LONP2: variants seen among roughly 807,000 people sequenced by gnomAD.
LONP2 encodes lon peptidase 2, peroxisomal.
LONP2 carries 60 observed loss-of-function variants against 85.6 expected under a neutral mutation model. The observed-to-expected ratio is 0.70, with a 90% CI of 0.57 to 0.87. LONP2 has a LOEUF of 0.87. LONP2 is among the 40% of genes least tolerant of loss of function. The pLI is 0.00. For synonymous variants in LONP2, 395 were observed against 389.7 expected (o/e 1.01, Z -0.16); for missense variants, 860 against 1,063.5 (o/e 0.81, Z 2.66).
chr16:48,261,812 T>C (rs1971885537), intron 5 of LONP2, among the ~76,000 whole-genome samples: 1 of 152,098 alleles, frequency 6.6e-6, no homozygotes, highest in African/African-American at 2.4e-5. Flanking sequence ...AGCATCATAT[T>C]CTTCACATGT....
intron 1 of LONP2, among the ~76,000 whole-genome samples, chr16:48,249,426 T>C (rs1482210275): frequency 6.6e-6 from 1 of 152,158 alleles, no homozygotes; most frequent in Non-Finnish European, 1.5e-5. Flanking sequence ...AAGGAAAATA[T>C]TAGTTGAGTA....
At chr16:48,335,363 T>C (rs562108045) in intron 12 of LONP2, among the ~76,000 whole-genome samples, 4 of 152,260 alleles carry the variant, frequency 2.6e-5, no homozygotes, top group South Asian at 4.1e-4. Context: ...CACATGCAGG[T>C]CTAGCCCTAT....
At chr16:48,259,589 G>A (rs1971834067) in intron 4 of LONP2, among the ~76,000 whole-genome samples, 1 of 152,216 alleles carries the variant, frequency 6.6e-6, no homozygotes, top group Non-Finnish European at 1.5e-5. Context: ...GCAATTTGAC[G>A]TTCATCAGCG....
At chr16:48,351,448 C>A in intron 14 of LONP2, 133 bp from the exon 15 acceptor site, 1 of 692,172 alleles carries the variant, frequency 1.4e-6, no homozygotes, top group Non-Finnish European at 2.4e-6. Context: ...CTAGCTCATG[C>A]TATAACAAAA....
At chr16:48,271,378 T>C (rs1972102304) in intron 7 of LONP2, among the ~76,000 whole-genome samples, 1 of 152,200 alleles carries the variant, frequency 6.6e-6, no homozygotes, top group African/African-American at 2.4e-5. Context: ...ACCTATAGTG[T>C]ATGTGTTAAA....
intron 8 of LONP2, among the ~76,000 whole-genome samples, chr16:48,285,879 A>G (rs912713796): frequency 2.0e-5 from 3 of 152,128 alleles, no homozygotes; most frequent in African/African-American, 7.2e-5. Flanking sequence ...TTGTGCAGCC[A>G]ATCTCCAGAA....
chr16:48,345,501 C>T (rs974232543), intron 12 of LONP2: 1 of 152,130 alleles, frequency 6.6e-6, no homozygotes, highest in Non-Finnish European at 1.5e-5. Context: ...TTAGAAAAAA[C>T]AAACCTTGTA....
chr16:48,308,936 C>T (rs1033999190), intron 11 of LONP2, among the ~76,000 whole-genome samples: 1 of 152,068 alleles, frequency 6.6e-6, no homozygotes, highest in Middle Eastern at 3.2e-3. Flanking sequence ...ACAAGGAACT[C>T]AAGCAACTCA....
At chr16:48,334,129 C>G in intron 11 of LONP2, 87 bp from the exon 12 acceptor site, 1 of 1,276,386 alleles carries the variant, frequency 7.8e-7, no homozygotes. Flanking sequence ...TTGAGGTCCA[C>G]TGGGCTTTTG....
intron 8 of LONP2, among the ~76,000 whole-genome samples, chr16:48,293,178 C>T (rs957036612): frequency 6.6e-6 from 1 of 152,116 alleles, no homozygotes; most frequent in African/African-American, 2.4e-5. Context: ...CCTGTAATCC[C>T]AGCACTTTGG....
At position 48,303,200 on chromosome 16, in the gene LONP2, C is replaced by A; in HGVS notation, c.1690C>A (p.Leu564Met). Residue 564 changes from leucine to methionine, a missense_variant, in exon 11 of 15, where the codon CTG becomes ATG. Physicochemically the swap from Leu to Met is conservative, Grantham distance 15. Transcript: ENST00000285737. The part of the protein sequence containing the change: ...RYTREAGVRS[L>M]DRKLGAICRA... ...TACCAGAGAGGCAGGGGTTCGTTCTCTGGATAGAAAACTTGGGGCCATTTG... is the reference window on the plus strand; with the variant it reads ...TACCAGAGAGGCAGGGGTTCGTTCTATGGATAGAAAACTTGGGGCCATTTG... The A allele has an allele frequency of 6.2e-7, 1 of 1,614,056 alleles. No homozygotes were observed. The highest frequency in any genetic ancestry group is 8.5e-7 in the Non-Finnish European group (1 of 1,180,004).
intron 14 of LONP2, among the ~76,000 whole-genome samples, chr16:48,349,311 C>G (rs1319355275): frequency 6.6e-6 from 1 of 151,936 alleles, no homozygotes; most frequent in Non-Finnish European, 1.5e-5. Flanking sequence ...GGCTCTCTTA[C>G]CCAGGTTGGA....
At chr16:48,338,588 T>G (rs977387830) in intron 12 of LONP2, among the ~76,000 whole-genome samples, 4 of 152,112 alleles carry the variant, frequency 2.6e-5, no homozygotes, top group Non-Finnish European at 4.4e-5. Context: ...CAAAGAAAAC[T>G]GAGAGCTCTT....
chr16:48,251,117 A>G (rs1190883640), intron 1 of LONP2, among the ~76,000 whole-genome samples: 4 of 152,220 alleles, frequency 2.6e-5, no homozygotes, highest in African/African-American at 9.6e-5. Flanking sequence ...TTCACTGTGT[A>G]TAGAAGTAAG....
At chr16:48,331,807 A>G (rs1208281511) in intron 11 of LONP2, among the ~76,000 whole-genome samples, 2 of 152,038 alleles carry the variant, frequency 1.3e-5, no homozygotes, top group Non-Finnish European at 2.9e-5. Context: ...CTCGTGATCC[A>G]CGCGCCTCGG....
intron 2 of LONP2, among the ~76,000 whole-genome samples, chr16:48,253,624 TC>T (rs2150963695): frequency 6.6e-6 from 1 of 152,348 alleles, no homozygotes; most frequent in East Asian, 1.9e-4. Context: ...AATTTCTTTT[TC>T]TTTTCAGCAG....
chr16:48,303,937 G>C (rs1972860547), intron 11 of LONP2, among the ~76,000 whole-genome samples: 1 of 152,210 alleles, frequency 6.6e-6, no homozygotes, highest in Non-Finnish European at 1.5e-5. Context: ...AAGCTGATTA[G>C]ATGGTGCCCA....
Position 48,296,032 on chromosome 16 carries a change from A to G in LONP2, c.1401A>G (p.Gln467=), listed in dbSNP as rs766574158. Residue 467 remains glutamine, a synonymous_variant, in exon 9 of 15, where the codon CAA becomes CAG. Transcript: ENST00000285737. ...TCCCCTAGGTGTTGGATCCTGAACA[A>G]AACCATAACTTCACAGATCATTATC... ...AALLEVLDPE[Q]NHNFTDHYLN... 1.4e-5 allele frequency: 23 copies of G among 1,614,066 alleles called. No individual in the cohort carries two copies. The highest frequency in any genetic ancestry group is 1.9e-5 in the Non-Finnish European group (23 of 1,180,036).
chr16:48,315,985 A>G (rs1359063661), intron 11 of LONP2, among the ~76,000 whole-genome samples: 1 of 59,082 alleles, frequency 1.7e-5, no homozygotes, highest in Admixed American at 1.6e-4. Context: ...TTTTTTTTTT[A>G]CTTTTAGAAT....
Sources: allele counts gnomAD v4.1 joint callset (sites outside exome capture counted in the v4.1 genomes callset), GRCh38; gene constraint gnomAD v4.1.1; transcripts MANE v1.5; gene names NCBI Gene and HGNC (gene_info 2026-07-23, HGNC 2026-07-21).